KIF2A: variants seen among roughly 807,000 people sequenced by gnomAD.
The protein encoded by KIF2A is kinesin-like protein KIF2A.
KIF2A carries 22 observed loss-of-function variants against 100.2 expected under a neutral mutation model. The ratio of observed to expected loss-of-function variants is 0.22; its 90% confidence interval spans 0.16 to 0.31. KIF2A has a LOEUF of 0.31. Ranked by LOEUF, KIF2A falls within the 10% of genes least tolerant of loss-of-function variation. The pLI is 1.00. For synonymous variants in KIF2A, 268 were observed against 285.9 expected, an observed-to-expected ratio of 0.94 and a Z score of 0.63; for missense variants, 495 against 898.7, an observed-to-expected ratio of 0.55 and a Z score of 5.74.
At chr5:62,333,659 AC>A (rs1233028455) in intron 1 of KIF2A, among the ~76,000 whole-genome samples, 2 of 151,962 alleles carry the variant, frequency 1.3e-5, no homozygotes, top group African/African-American at 4.8e-5. Context: ...CTCTGCCAAC[AC>A]CCTACCACAC....
At chr5:62,385,463 T>C in intron 20 of KIF2A, 21 bp from the exon 21 acceptor site, 1 of 1,525,072 alleles carries the variant, frequency 6.6e-7, no homozygotes, top group Non-Finnish European at 8.9e-7. Context: ...ACTTATTCCC[T>C]CTTTCTTTTC....
At chr5:62,377,889 A>G in intron 19 of KIF2A, 127 bp downstream of exon 19, 1 of 471,348 alleles carries the variant, frequency 2.1e-6, no homozygotes, top group Non-Finnish European at 3.7e-6. Flanking sequence ...GTGTATTTGT[A>G]GGGCATGTGA....
At chr5:62,324,269 A>G (rs1440678282) in intron 1 of KIF2A, among the ~76,000 whole-genome samples, 1 of 152,218 alleles carries the variant, frequency 6.6e-6, no homozygotes, top group Non-Finnish European at 1.5e-5. Flanking sequence ...CAGTGTTGTT[A>G]AAATGGCCGT....
At chr5:62,373,466 G>A (rs1297370187) in intron 17 of KIF2A, among the ~76,000 whole-genome samples, 1 of 151,806 alleles carries the variant, frequency 6.6e-6, no homozygotes, top group Admixed American at 6.6e-5. Context: ...AATTATATTT[G>A]ATATAATATA....
rs1166313686 is a variant in KIF2A, at chr5:62,306,496, G to T, written c.24G>T (p.Lys8Asn). 1.3e-6 allele frequency: 2 copies of T among 1,545,690 alleles called. No homozygotes were observed. Among genetic ancestry groups the T allele is most frequent in the East Asian group, 2.5e-5 (1 of 40,462 alleles). MATANFG[K>N]IQIGIYVEIK... The stretch of plus-strand genomic sequence containing the variant: ...TGATGGCAACGGCCAACTTCGGCAA[G>T]ATCCAGATCGGGATTTACGTGGAGA... Residue 8 changes from lysine to asparagine, a missense_variant, in exon 1 of 21, where the codon AAG becomes AAT. Transcript: ENST00000407818.
intron 3 of KIF2A, 148 bp downstream of exon 3, chr5:62,348,315 A>T: frequency 1.4e-6 from 1 of 701,996 alleles, no homozygotes; most frequent in Non-Finnish European, 2.3e-6. Flanking sequence ...ATATATACAT[A>T]CATATTTTCA....
At chr5:62,314,756 C>CTGT (rs1745725253) in intron 1 of KIF2A, among the ~76,000 whole-genome samples, 1 of 68,540 alleles carries the variant, frequency 1.5e-5, no homozygotes, top group Admixed American at 2.1e-4. Flanking sequence ...TGAGAATGAA[C>CTGT]TGTTTTTTTT....
chr5:62,350,503 G>A (rs1403690277), intron 4 of KIF2A, among the ~76,000 whole-genome samples: 2 of 151,932 alleles, frequency 1.3e-5, no homozygotes, highest in East Asian at 3.9e-4. Context: ...TTGAACTCCT[G>A]GGCTCAAGTG....
Position 62,384,197 on chromosome 5 carries a change from C to T in KIF2A, c.2150-1287C>T, listed in dbSNP as rs953038141. ...GCGGAGGGCGGAGGTTGCAGTGAGCCGAGATCACGCCACTGCACTCCAACC... is the reference window on the plus strand; with the variant it reads ...GCGGAGGGCGGAGGTTGCAGTGAGCTGAGATCACGCCACTGCACTCCAACC... On this transcript the variant is annotated intron_variant, in intron 20 of 20. Coordinates refer to ENST00000407818, the MANE Select transcript of KIF2A (RefSeq NM_001098511.3). Among the ~76,000 whole-genome samples the T allele has an allele frequency of 3.0e-4, 46 of 152,006 alleles. 1 individual carries two copies. The highest frequency in any genetic ancestry group is 2.6e-4 in the Admixed American group (4 of 15,234).
intron 20 of KIF2A, among the ~76,000 whole-genome samples, chr5:62,382,917 G>A (rs542564866): frequency 3.4e-5 from 5 of 148,684 alleles, no homozygotes; most frequent in Admixed American, 2.7e-4. Context: ...GTGAGGCACC[G>A]AGCCTGGCTT....
Position 62,383,410 on chromosome 5 carries a change from T to A in KIF2A, c.2150-2074T>A, listed in dbSNP as rs532841527. Among the ~76,000 whole-genome samples the A allele has an allele frequency of 2.0e-5, 3 of 151,390 alleles. No homozygotes were observed. In the East Asian group the frequency reaches 5.9e-4, roughly 30 times the overall value. On this transcript the variant is annotated intron_variant, in intron 20 of 20. Transcript: ENST00000407818. Reference sequence around the variant, plus strand: ...GGCGCCCGCCACCACGCCTGGCTAATTTTTTTGTATTTTTAGTAGAGACGG... The same window carrying A: ...GGCGCCCGCCACCACGCCTGGCTAAATTTTTTGTATTTTTAGTAGAGACGG...
chr5:62,315,620 C>A (rs1745782059), intron 1 of KIF2A, among the ~76,000 whole-genome samples: 1 of 152,062 alleles, frequency 6.6e-6, no homozygotes, highest in African/African-American at 2.4e-5. Flanking sequence ...TTAAAACAGG[C>A]AGAGGGAGGA....
chr5:62,379,712 T>C lies in KIF2A; in HGVS notation c.2014-1406T>C, dbSNP rs141432119. ...ATTTTTGCATTTTCTAATTAATATG[T>C]TTCCTAATCAAGACACATACCTATG... is the stretch of plus-strand genomic sequence containing the variant. On this transcript the variant is annotated intron_variant, in intron 19 of 20. Transcript: ENST00000407818. 3.5e-4 allele frequency among the ~76,000 whole-genome samples: 54 copies of C among 152,244 alleles called. No homozygotes were observed. The East Asian group carries it at 7.7e-3, about 22-fold the overall frequency.
At chr5:62,362,953 A>C (rs1476537449) in intron 12 of KIF2A, among the ~76,000 whole-genome samples, 1 of 152,130 alleles carries the variant, frequency 6.6e-6, no homozygotes, top group Non-Finnish European at 1.5e-5. Context: ...CAGCTTTCCT[A>C]GTAGCTGCGA....
At chr5:62,320,862 C>G (rs1580005986) in intron 1 of KIF2A, among the ~76,000 whole-genome samples, 1 of 152,070 alleles carries the variant, frequency 6.6e-6, no homozygotes, top group South Asian at 2.1e-4. Flanking sequence ...ACAATTATTA[C>G]CACTGTCCAA....
chr5:62,364,895 T>A (rs1003108713), intron 14 of KIF2A, among the ~76,000 whole-genome samples: 2 of 152,066 alleles, frequency 1.3e-5, no homozygotes, highest in Admixed American at 6.6e-5. Context: ...AGGAGTTCGA[T>A]ACCAGCCTGG....
intron 13 of KIF2A, 43 bp from the exon 14 acceptor site, chr5:62,363,652 T>G: frequency 6.6e-7 from 1 of 1,517,546 alleles, no homozygotes; most frequent in Non-Finnish European, 9.1e-7. Flanking sequence ...AACATGTAAA[T>G]TGAAGTTTTT....
At chr5:62,376,741 G>A (rs1368313985) in intron 18 of KIF2A, among the ~76,000 whole-genome samples, 1 of 151,290 alleles carries the variant, frequency 6.6e-6, no homozygotes, top group South Asian at 2.1e-4. Flanking sequence ...TTTGTTTTTT[G>A]TTTTGTTTTG....
In KIF2A at chr5:62,332,849, C is replaced by G. The variant is rs185596071; in HGVS notation, c.65-14281C>G. Among the ~76,000 whole-genome samples, 329 of 152,268 alleles carry G rather than the reference C, an allele frequency of 2.2e-3. 3 individuals carry two copies. The highest frequency in any genetic ancestry group is 3.9e-3 in the Non-Finnish European group (263 of 67,996). On this transcript the variant is annotated intron_variant, in intron 1 of 20. Coordinates refer to ENST00000407818, the MANE Select transcript of KIF2A (RefSeq NM_001098511.3). ...AAAATCTTTTCTTCCAGTATAATTG[C>G]TTTTTGCCCATTCCCACTGTTCTCT...
Sources: gnomAD v4.1 joint callset for allele counts (sites outside exome capture counted in the v4.1 genomes callset) on GRCh38, gnomAD v4.1.1 for gene constraint, MANE v1.5 for transcripts, NCBI Gene and HGNC (gene_info 2026-07-23, HGNC 2026-07-21) for gene names.